The following SPATA22 variants were observed in gnomAD, a reference collection of about 807,000 sequenced individuals.
SPATA22 encodes spermatogenesis-associated protein 22.
SPATA22 carries 29 observed loss-of-function variants against 47.8 expected under a neutral mutation model. That is an observed-to-expected ratio of 0.61 (90% CI 0.45 to 0.83). The LOEUF (loss-of-function observed/expected upper bound fraction) is 0.83, where lower values mean the gene tolerates loss of function less well. Ranked by LOEUF, SPATA22 falls within the 40% of genes least tolerant of loss-of-function variation. The pLI is 0.00. For synonymous variants in SPATA22, 133 were observed against 140.9 expected, an observed-to-expected ratio of 0.94 and a Z score of 0.40; for missense variants, 410 against 421.7, an observed-to-expected ratio of 0.97 and a Z score of 0.24.
At chr17:3,443,530 A>G (rs2150693730) in intron 7 of SPATA22, among the ~76,000 whole-genome samples, 1 of 152,164 alleles carries the variant, frequency 6.6e-6, no homozygotes, top group East Asian at 1.9e-4. Flanking sequence ...TGGCCATCTG[A>G]AACTTTTTCC....
intron 1 of SPATA22, chr17:3,499,217 C>A: frequency 1.2e-6 from 1 of 813,428 alleles, no homozygotes; most frequent in Non-Finnish European, 1.9e-6. Context: ...ATTCGGTAGG[C>A]ATCTAAGCAC....
chr17:3,461,779 A>C (rs2073131179), intron 5 of SPATA22, among the ~76,000 whole-genome samples: 1 of 152,218 alleles, frequency 6.6e-6, no homozygotes, highest in African/African-American at 2.4e-5. Flanking sequence ...TATTGAAATA[A>C]CATATCAAAG....
intron 1 of SPATA22, among the ~76,000 whole-genome samples, chr17:3,491,241 A>T (rs1240008191): frequency 6.6e-6 from 1 of 152,242 alleles, no homozygotes; most frequent in Non-Finnish European, 1.5e-5. Flanking sequence ...CCAAATGTTT[A>T]AGGTTAACAA....
intron 1 of SPATA22, among the ~76,000 whole-genome samples, chr17:3,480,157 G>A (rs1291785645): frequency 6.6e-6 from 1 of 152,192 alleles, no homozygotes; most frequent in Non-Finnish European, 1.5e-5. Flanking sequence ...CACTTTGGGA[G>A]GCCAAGGCAG....
chr17:3,462,108 T>C (rs566965956), intron 5 of SPATA22, among the ~76,000 whole-genome samples: 1 of 152,342 alleles, frequency 6.6e-6, no homozygotes, highest in African/African-American at 2.4e-5. Context: ...GACTGAGCAC[T>C]CTAATTGGTT....
chr17:3,463,661 A>G (rs997899475), intron 3 of SPATA22, among the ~76,000 whole-genome samples: 1 of 72,318 alleles, frequency 1.4e-5, no homozygotes, highest in African/African-American at 3.2e-5. Context: ...CTACATTTAT[A>G]AAAAAAAATA....
Position 3,449,157 on chromosome 17 carries a change from A to C in SPATA22, c.330-8T>G, listed in dbSNP as rs112530216. On this transcript the variant is annotated splice_region_variant and splice_polypyrimidine_tract_variant and intron_variant, in intron 5 of 8. Transcript: ENST00000572969. ...TTGTTACCATCTCTGTAGCTGTAAT[A>C]GTGCAAAAAAAAAGCATTTGTTTCT... The C allele has an allele frequency of 1.0e-5, 15 of 1,506,450 alleles. No individual in the cohort carries two copies. Among genetic ancestry groups the C allele is most frequent in the African/African-American group, 7.3e-5 (5 of 68,660 alleles). 93.3% of individuals were successfully genotyped at this position (1,506,450 alleles called of 1,614,324 possible). A position where few individuals can be genotyped will look rare whatever the true frequency, so the allele number is the denominator to read the frequency against.
intron 3 of SPATA22, among the ~76,000 whole-genome samples, chr17:3,465,352 G>A (rs1299954795): frequency 6.6e-6 from 1 of 152,026 alleles, no homozygotes; most frequent in African/African-American, 2.4e-5. Flanking sequence ...GAAAGGTGGG[G>A]AAAAGATTGA....
chr17:3,512,372 A>G (rs1231041146), intron 1 of SPATA22: 1 of 152,204 alleles, frequency 6.6e-6, no homozygotes, highest in Admixed American at 6.6e-5. Flanking sequence ...TCAGGGGCAC[A>G]AAGTCTCTAT....
chr17:3,479,776 T>A (rs1325025687), intron 1 of SPATA22, among the ~76,000 whole-genome samples: 1 of 152,154 alleles, frequency 6.6e-6, no homozygotes, highest in Non-Finnish European at 1.5e-5. Context: ...AATTAGCCCA[T>A]TGTACACAGT....
At chr17:3,456,247 A>G (rs2072993332) in intron 5 of SPATA22, among the ~76,000 whole-genome samples, 1 of 151,780 alleles carries the variant, frequency 6.6e-6, no homozygotes, top group Non-Finnish European at 1.5e-5. Context: ...CAAAAAATTA[A>G]TGAATCCAGG....
chr17:3,452,437 T>G (rs973994106), intron 5 of SPATA22, among the ~76,000 whole-genome samples: 4 of 151,180 alleles, frequency 2.6e-5, no homozygotes, highest in African/African-American at 4.9e-5. Flanking sequence ...ACTAAAAATA[T>G]AAAAATTAGC....
chr17:3,492,964 T>C (rs1381174211), intron 1 of SPATA22, among the ~76,000 whole-genome samples: 1 of 152,368 alleles, frequency 6.6e-6, no homozygotes, highest in East Asian at 1.9e-4. Flanking sequence ...TAGTATGTTA[T>C]GCAGCAGAAG....
chr17:3,465,061 G>A (rs2073258872), intron 3 of SPATA22, among the ~76,000 whole-genome samples: 1 of 124,958 alleles, frequency 8.0e-6, no homozygotes, highest in African/African-American at 2.9e-5. Flanking sequence ...CGTCCGGGAG[G>A]GAGGTGGGGG....
intron 1 of SPATA22, among the ~76,000 whole-genome samples, chr17:3,491,004 A>G (rs1257041611): frequency 3.3e-5 from 5 of 152,224 alleles, no homozygotes; most frequent in African/African-American, 9.6e-5. Context: ...ACTCCTATCC[A>G]CAGAATGCTG....
upstream of SPATA22, chr17:3,475,564 T>G (rs1246628062): frequency 6.5e-6 from 1 of 153,478 alleles, no homozygotes; most frequent in Non-Finnish European, 1.5e-5. Context: ...TGAAAAAGCA[T>G]TCTGAAAGAA....
chr17:3,502,525 G>A (rs2150767348), intron 1 of SPATA22: 1 of 152,332 alleles, frequency 6.6e-6, no homozygotes, highest in African/African-American at 2.4e-5. Flanking sequence ...AGCATTCGTT[G>A]CGAAATCCAG....
At chr17:3,470,669 T>C (rs2150736099) in intron 1 of SPATA22, among the ~76,000 whole-genome samples, 1 of 151,714 alleles carries the variant, frequency 6.6e-6, no homozygotes, top group East Asian at 1.9e-4. Context: ...GAGAATGGCA[T>C]GAACTCGGGA....
At chr17:3,440,399 T>A (rs2150689457) in intron 8 of SPATA22, 61 bp from the exon 9 acceptor site, 2 of 1,396,088 alleles carry the variant, frequency 1.4e-6, no homozygotes, top group Non-Finnish European at 1.9e-6. Flanking sequence ...TTCAATTTTT[T>A]AAATATTTAT....
Sources: gnomAD v4.1 joint callset for allele counts (sites outside exome capture counted in the v4.1 genomes callset) on GRCh38, gnomAD v4.1.1 for gene constraint, MANE v1.5 for transcripts, NCBI Gene and HGNC (gene_info 2026-07-23, HGNC 2026-07-21) for gene names.